Variants in TTC7B observed in about 807,000 individuals in gnomAD.
TTC7B encodes tetratricopeptide repeat domain 7B, also known as tetratricopeptide repeat protein 7B.
In TTC7B, 28 loss-of-function variants were observed where a neutral mutation model predicts 106.8. The ratio of observed to expected loss-of-function variants is 0.26; its 90% CI spans 0.19 to 0.36. The LOEUF is 0.36. TTC7B is among the 10% of genes least tolerant of loss of function. The pLI is 1.00. For missense variants in TTC7B, 862 were observed against 1,076.4 expected (o/e 0.80, Z 2.79); for synonymous variants, 405 against 430.6 (o/e 0.94, Z 0.74).
rs779130200 is a variant in TTC7B at position 90,644,105 on chromosome 14, T to C, written c.1694A>G (p.Tyr565Cys). ...GTCGATGATGTTCAGAGCGTCATGGTAATGCTTCTGTGCTGACAGCAGGAG... is the reference window on the plus strand; with the variant it reads ...GTCGATGATGTTCAGAGCGTCATGGCAATGCTTCTGTGCTGACAGCAGGAG... ...LALLLSAQKHYHDALNIIDMA... is the reference protein window; with the variant it reads ...LALLLSAQKHCHDALNIIDMA... Residue 565 changes from tyrosine (Y) to cysteine (C), a missense_variant, in exon 15 of 20, where the codon TAC (tyrosine) becomes TGC (cysteine). Physicochemically the swap from Tyr to Cys is radical, Grantham distance 194. Coordinates refer to ENST00000328459, the MANE Select transcript of TTC7B (RefSeq NM_001010854.2). 1.2e-6 allele frequency: 2 copies of C among 1,614,096 alleles called. No individual in the cohort carries two copies. The highest frequency in any genetic ancestry group is 1.7e-6 in the Non-Finnish European group (2 of 1,180,026).
chr14:90,563,439 A>G (rs1197039654), intron 19 of TTC7B, among the ~76,000 whole-genome samples: 1 of 152,250 alleles, frequency 6.6e-6, no homozygotes, highest in African/African-American at 2.4e-5. Context: ...ATTACAAAAC[A>G]TCTTGTTGCT....
intron 9 of TTC7B, among the ~76,000 whole-genome samples, chr14:90,659,230 T>TGTGTGA (rs559012864): frequency 3.7e-4 from 55 of 146,960 alleles, no homozygotes; most frequent in African/African-American, 1.0e-3. Flanking sequence ...TGTGTGTGTG[T>TGTGTGA]GAGAGAGAGA....
intron 4 of TTC7B, among the ~76,000 whole-genome samples, chr14:90,736,289 A>G (rs1012382444): frequency 6.6e-6 from 1 of 152,018 alleles, no homozygotes; most frequent in East Asian, 1.9e-4. Flanking sequence ...TTTTAAAAAA[A>G]GGGGAGGAGG....
At chr14:90,727,410 T>C (rs1889149600) in intron 5 of TTC7B, among the ~76,000 whole-genome samples, 1 of 152,174 alleles carries the variant, frequency 6.6e-6, no homozygotes, top group Non-Finnish European at 1.5e-5. Context: ...TTCTAAACAA[T>C]AGGGGCAATA....
intron 2 of TTC7B, among the ~76,000 whole-genome samples, chr14:90,783,782 C>T (rs1891294066): frequency 6.6e-6 from 1 of 152,084 alleles, no homozygotes; most frequent in Non-Finnish European, 1.5e-5. Flanking sequence ...ATTAAAAATA[C>T]AAAAATTAGC....
At chr14:90,806,327 C>T (rs1374282381) in intron 1 of TTC7B, among the ~76,000 whole-genome samples, 2 of 152,346 alleles carry the variant, frequency 1.3e-5, no homozygotes, top group African/African-American at 2.4e-5. Flanking sequence ...TGCACTGCCT[C>T]GTTCTGTGAC....
In TTC7B at chr14:90,531,455, A is replaced by AC. The variant is rs554283385; in HGVS notation, c.*9912_*9913insG. The AC allele has an allele frequency of 6.5e-4, 98 of 151,920 alleles. No homozygotes were observed. The highest frequency in any genetic ancestry group is 2.3e-3 in the African/African-American group (94 of 41,386). 9.4% of individuals were successfully genotyped at this position (151,920 alleles called of 1,614,324 possible). A position where few individuals can be genotyped will look rare whatever the true frequency, so the allele number is the denominator to read the frequency against. On this transcript the variant is annotated 3_prime_UTR_variant, in exon 20 of 20. Coordinates refer to ENST00000328459, the MANE Select transcript of TTC7B (RefSeq NM_001010854.2). ...AAAACAAAAAAACAAACAAAAAAAA[A>AC]ACAAAAAACAAAAATCAGCTGGACG... is the stretch of plus-strand genomic sequence containing the variant.
intron 5 of TTC7B, among the ~76,000 whole-genome samples, chr14:90,711,319 T>A (rs1888436297): frequency 6.6e-6 from 1 of 152,114 alleles, no homozygotes; most frequent in African/African-American, 2.4e-5. Flanking sequence ...ACGGGGGAAA[T>A]GAAGCTATAT....
intron 19 of TTC7B, among the ~76,000 whole-genome samples, chr14:90,559,188 GT>G (rs1890463604): frequency 6.6e-6 from 1 of 152,262 alleles, no homozygotes; most frequent in South Asian, 2.1e-4. Context: ...CACCTGCCAT[GT>G]ATGGGTCAGT....
chr14:90,758,017 C>G (rs1366070247), intron 3 of TTC7B, among the ~76,000 whole-genome samples: 1 of 152,052 alleles, frequency 6.6e-6, no homozygotes, highest in South Asian at 2.1e-4. Flanking sequence ...AATAAAGGGG[C>G]ACATCGGTGA....
intron 9 of TTC7B, among the ~76,000 whole-genome samples, chr14:90,664,327 T>C (rs1206658663): frequency 6.6e-6 from 1 of 152,212 alleles, no homozygotes; most frequent in Non-Finnish European, 1.5e-5. Context: ...TGGAGTGTGG[T>C]AGCATAATCT....
intron 4 of TTC7B, among the ~76,000 whole-genome samples, chr14:90,743,374 A>C (rs1456496293): frequency 6.6e-6 from 1 of 152,192 alleles, no homozygotes; most frequent in Non-Finnish European, 1.5e-5. Context: ...TATGAAAAAA[A>C]GTTACTTCCT....
At chr14:90,795,142 A>C (rs1319796345) in intron 1 of TTC7B, among the ~76,000 whole-genome samples, 1 of 152,200 alleles carries the variant, frequency 6.6e-6, no homozygotes, top group Non-Finnish European at 1.5e-5. Context: ...AGATCAAAAC[A>C]TTAAAGCTAG....
At chr14:90,777,116 T>A (rs1891057252) in intron 3 of TTC7B, among the ~76,000 whole-genome samples, 1 of 152,194 alleles carries the variant, frequency 6.6e-6, no homozygotes, top group Non-Finnish European at 1.5e-5. Flanking sequence ...AGTGCACACC[T>A]GTAATCCCAA....
At chr14:90,649,127 T>C (rs1356029563) in intron 13 of TTC7B, among the ~76,000 whole-genome samples, 2 of 152,230 alleles carry the variant, frequency 1.3e-5, no homozygotes, top group East Asian at 3.8e-4. Context: ...GAAATCTTGG[T>C]ATTTCTGGAG....
At chr14:90,636,596 C>A (rs909018071) in intron 15 of TTC7B, among the ~76,000 whole-genome samples, 1 of 151,912 alleles carries the variant, frequency 6.6e-6, no homozygotes, top group African/African-American at 2.4e-5. Flanking sequence ...TCAACAAATG[C>A]AGAAAACATT....
chr14:90,752,371 A>G (rs1356401399), intron 3 of TTC7B, among the ~76,000 whole-genome samples: 1 of 152,204 alleles, frequency 6.6e-6, no homozygotes, highest in Non-Finnish European at 1.5e-5. Flanking sequence ...TTTAATTTAA[A>G]AAAAGAAAGA....
Position 90,529,278 on chromosome 14 carries a change from G to A in TTC7B, c.*12090C>T, listed in dbSNP as rs918999319. ...TGGCAAGGTGAGCTTGTCAGGGAGA[G>A]GCCGTAGCCCTCACCACCGCTAATG... On this transcript the variant is annotated 3_prime_UTR_variant, in exon 20 of 20. Coordinates refer to ENST00000328459, the MANE Select transcript of TTC7B (RefSeq NM_001010854.2). The A allele has an allele frequency of 1.9e-4, 29 of 152,770 alleles. No individual in the cohort carries two copies. The highest frequency in any genetic ancestry group is 6.8e-4 in the African/African-American group (28 of 41,470). The allele number at this position is 152,770 out of a possible 1,614,324, so 9.5% of individuals were successfully genotyped here.
intron 3 of TTC7B, among the ~76,000 whole-genome samples, chr14:90,776,040 A>C (rs904843190): frequency 3.3e-5 from 5 of 151,978 alleles, no homozygotes; most frequent in Non-Finnish European, 7.4e-5. Flanking sequence ...TCCTCTGTGT[A>C]TGCAGAAAAG....
Sources: gnomAD v4.1 joint callset for allele counts (sites outside exome capture counted in the v4.1 genomes callset) on GRCh38, gnomAD v4.1.1 for gene constraint, MANE v1.5 for transcripts, NCBI Gene and HGNC (gene_info 2026-07-23, HGNC 2026-07-21) for gene names.